The following MTMR1 variants were observed in gnomAD, a reference collection of about 807,000 sequenced individuals.
The protein encoded by MTMR1 is myotubularin related protein 1.
A neutral mutation model predicts 51.6 loss-of-function variants in MTMR1; 17 were observed. The ratio of observed to expected loss-of-function variants is 0.33; its 90% CI spans 0.23 to 0.49. The LOEUF is 0.49. Among genes scored for constraint, MTMR1 ranks in the 20% least tolerant of loss-of-function variants. The pLI, the probability that MTMR1 is intolerant of heterozygous loss-of-function variation, is 0.99. For synonymous variants in MTMR1, 201 were observed against 205.6 expected, an observed-to-expected ratio of 0.98 and a Z score of 0.19; for missense variants, 386 against 526.9, an observed-to-expected ratio of 0.73 and a Z score of 2.62.
At chrX:150,728,239 A>G (rs1167902649) in intron 6 of MTMR1, among the ~76,000 whole-genome samples, 8 of 112,643 alleles carry the variant, frequency 7.1e-5, no homozygotes, top group Non-Finnish European at 7.5e-5. Context: ...ATGTCTGTGC[A>G]TGTTCAGCAC....
intron 6 of MTMR1, among the ~76,000 whole-genome samples, 177 bp from the exon 7 acceptor site, chrX:150,729,932 T>C (rs920367543): frequency 1.8e-5 from 2 of 111,144 alleles, no homozygotes; most frequent in Non-Finnish European, 3.8e-5. Context: ...GGCAGGAGAA[T>C]TGCTTGAACC....
chrX:150,702,110 TG>T (rs1307096547), intron 2 of MTMR1, among the ~76,000 whole-genome samples: 3 of 102,600 alleles, frequency 2.9e-5, no homozygotes, highest in Admixed American at 1.1e-4. Context: ...TTTATAGAGA[TG>T]GGGTCTTACT....
Position 150,737,973 on chromosome X carries a change from A to G in MTMR1, c.1473+525A>G, listed in dbSNP as rs782215886. Among the ~76,000 whole-genome samples the G allele has an allele frequency of 6.3e-5, 7 of 111,504 alleles. No individual in the cohort carries two copies. In the East Asian group the frequency reaches 1.7e-3, roughly 27 times the overall value. ...TCCCAGCTACTGAGTAGGCTGAGGCAGGATAATTGCTTGAACCTGGGAGGC... is the reference window on the plus strand; with the variant it reads ...TCCCAGCTACTGAGTAGGCTGAGGCGGGATAATTGCTTGAACCTGGGAGGC... On this transcript the variant is annotated intron_variant, in intron 12 of 15. Coordinates refer to ENST00000445323, the MANE Select transcript of MTMR1 (RefSeq NM_001306144.3).
intron 13 of MTMR1, 42 bp from the exon 14 acceptor site, chrX:150,750,688 A>G (rs1557417564): frequency 1.2e-6 from 1 of 869,295 alleles, no homozygotes; most frequent in Non-Finnish European, 1.7e-6. Context: ...ACTTTTAGAA[A>G]TTGGACTCTA....
chrX:150,747,228 C>T (rs918310977), intron 13 of MTMR1, among the ~76,000 whole-genome samples: 3 of 110,123 alleles, frequency 2.7e-5, no homozygotes, highest in Non-Finnish European at 5.7e-5. Context: ...GTAGAAGGAT[C>T]GCTTGAGGCC....
intron 4 of MTMR1, among the ~76,000 whole-genome samples, chrX:150,722,779 T>C (rs1195042853): frequency 1.8e-5 from 2 of 110,969 alleles, no homozygotes; most frequent in Non-Finnish European, 3.8e-5. Flanking sequence ...TTTTTATTAG[T>C]CTCATTTATT....
In MTMR1 at chrX:150,750,614, TC is replaced by T. The variant is rs782586646; in HGVS notation, c.1567-114del. 6.4e-6 allele frequency: 3 copies of T among 465,380 alleles called. No individual in the cohort carries two copies. In the African/African-American group the frequency reaches 7.3e-5, roughly 11 times the overall value. 38.4% of individuals were successfully genotyped at this position (465,380 alleles called of 1,213,427 possible). ...GTTGAACTTTACATGGGCTCAGTCT[TC>T]CTTTAAATCTTTGACTATATTCCAA... On this transcript the variant is annotated intron_variant, in intron 13 of 15. Coordinates refer to ENST00000445323, the MANE Select transcript of MTMR1 (RefSeq NM_001306144.3).
intron 15 of MTMR1, among the ~76,000 whole-genome samples, chrX:150,758,692 G>A (rs1178919662): frequency 1.8e-5 from 2 of 109,502 alleles, no homozygotes; most frequent in African/African-American, 6.7e-5. Context: ...TCAGGAGGCC[G>A]AGGCAGAAGA....
intron 6 of MTMR1, among the ~76,000 whole-genome samples, chrX:150,729,417 T>G (rs2042046725): frequency 8.9e-6 from 1 of 112,105 alleles, no homozygotes; most frequent in Admixed American, 9.4e-5. Flanking sequence ...ACTAAGATAT[T>G]TTTATGGCTG....
At position 150,760,005 on chromosome X, in the gene MTMR1, G is replaced by C. The variant is rs2242558; in HGVS notation, c.1858-2560G>C. On this transcript the variant is annotated intron_variant, in intron 15 of 15. Coordinates refer to ENST00000445323, the MANE Select transcript of MTMR1 (RefSeq NM_001306144.3). ...GCAGCAGGGTCCTGAGCCTCACGGG[G>C]ACCTCACAGGGGGTTGCTGAGCAGG... Among the ~76,000 whole-genome samples, 115 of 109,662 alleles carry C rather than the reference G, an allele frequency of 1.0e-3. 2 individuals are homozygous for C. The East Asian group carries it at 0.022, about 21-fold the overall frequency.
chrX:150,748,948 T>C (rs1008594417), intron 13 of MTMR1, among the ~76,000 whole-genome samples: 2 of 112,135 alleles, frequency 1.8e-5, no homozygotes. Flanking sequence ...GATGAACCAG[T>C]AGATATTGTT....
chrX:150,722,571 T>C (rs1440054103), intron 4 of MTMR1, among the ~76,000 whole-genome samples: 1 of 111,801 alleles, frequency 8.9e-6, no homozygotes, highest in Non-Finnish European at 1.9e-5. Flanking sequence ...TAACATGATA[T>C]ACCTATTTTC....
chrX:150,693,418 C>T lies in MTMR1; in HGVS notation c.-113C>T. The T allele has an allele frequency of 5.3e-6, 4 of 750,006 alleles. No individual in the cohort carries two copies. Among genetic ancestry groups the T allele is most frequent in the Non-Finnish European group, 6.3e-6 (4 of 635,861 alleles). 61.8% of individuals were successfully genotyped at this position (750,006 alleles called of 1,213,427 possible). ...GGTGACAGCTAATGGCGGCGGCCGC[C>T]TGAGGCGGGCGGGCGGTATAGAGCG... On this transcript the variant is annotated 5_prime_UTR_variant, in exon 1 of 16. Coordinates refer to ENST00000445323, the MANE Select transcript of MTMR1 (RefSeq NM_001306144.3).
chrX:150,718,825 T>A, intron 4 of MTMR1, 125 bp downstream of exon 4: 1 of 600,479 alleles, frequency 1.7e-6, no homozygotes, highest in Non-Finnish European at 2.6e-6. Flanking sequence ...ACAAATGGAC[T>A]AGATCTATTC....
In MTMR1 at chrX:150,730,798, A is replaced by G. The variant is rs782379101; in HGVS notation, c.741+190A>G. Among the ~76,000 whole-genome samples the G allele has an allele frequency of 4.1e-4, 46 of 112,248 alleles. No individual in the cohort carries two copies. In the South Asian group the frequency reaches 0.016, roughly 38 times the overall value. ...CCTGTGCCAAACCTTAGACTTTGTC[A>G]TGTTTGTTCATCCTGTTTCCAGAGG... is the stretch of plus-strand genomic sequence containing the variant. On this transcript the variant is annotated intron_variant, in intron 8 of 15. Transcript: ENST00000445323.
At chrX:150,760,949 GAAAA>G (rs2043104887) in intron 15 of MTMR1, among the ~76,000 whole-genome samples, 2 of 96,950 alleles carry the variant, frequency 2.1e-5, no homozygotes, top group Non-Finnish European at 4.2e-5. Context: ...AAAAAAAAAA[GAAAA>G]AGAAAAGAAA....
intron 2 of MTMR1, among the ~76,000 whole-genome samples, chrX:150,703,600 A>G (rs2040993688): frequency 8.9e-6 from 1 of 112,409 alleles, no homozygotes; most frequent in African/African-American, 3.2e-5. Context: ...TACAGTAATT[A>G]CATTTGGAGG....
rs782277072 is a variant in MTMR1, at chrX:150,762,716, A to G, written c.2009A>G (p.His670Arg). 9.4e-6 allele frequency: 11 copies of G among 1,170,823 alleles called. 1 individual carries two copies. The South Asian group carries it at 2.0e-4, about 21-fold the overall frequency. The change falls in exon 16 of 16, where the codon CAC (histidine) becomes CGC (arginine). Residue 670 changes from histidine (H) to arginine (R), a missense_variant. Physicochemically the swap from His to Arg is conservative, Grantham distance 29. Coordinates refer to ENST00000445323, the MANE Select transcript of MTMR1 (RefSeq NM_001306144.3). ...SSPSHSATSV[H>R]TSV is the part of the protein sequence containing the mutation. The stretch of plus-strand genomic sequence containing the variant: ...CCCTCCCACTCCGCCACCTCCGTCC[A>G]CACCTCGGTCTGATGGGCGAGGTCA...
In MTMR1 at chrX:150,762,644, A is replaced by T; in HGVS notation, c.1937A>T (p.Glu646Val). 2.5e-6 allele frequency: 3 copies of T among 1,210,518 alleles called. No individual in the cohort carries two copies. Among genetic ancestry groups the T allele is most frequent in the Non-Finnish European group, 3.4e-6 (3 of 895,010 alleles). Residue 646 changes from glutamate (E) to valine (V), a missense_variant, in exon 16 of 16, where the codon GAG becomes GTG. By Grantham distance (121) the Glu-to-Val change is moderately radical. Coordinates refer to ENST00000445323, the MANE Select transcript of MTMR1 (RefSeq NM_001306144.3). ...AAGCGTGTGGAGGGCCTACAGCGGG[A>T]GGTGGCCACGCGCGCCGTCTCATCC... The part of the protein sequence containing the change: ...LQKRVEGLQR[E>V]VATRAVSSSS...
Sources: allele counts gnomAD v4.1 joint callset (sites outside exome capture counted in the v4.1 genomes callset), GRCh38; gene constraint gnomAD v4.1.1; transcripts MANE v1.5; gene names NCBI Gene and HGNC (gene_info 2026-07-23, HGNC 2026-07-21).